Variants in AUTS2 observed in about 807,000 individuals in gnomAD.
The protein encoded by AUTS2 is autism susceptibility gene 2 protein.
AUTS2 carries 17 observed loss-of-function variants against 112.4 expected under a neutral mutation model. That is an observed-to-expected ratio of 0.15 (90% CI 0.10 to 0.23). AUTS2 has a LOEUF of 0.23. Among genes scored for constraint, AUTS2 ranks in the 10% least tolerant of loss-of-function variants. The pLI is 1.00. For missense variants in AUTS2, 1,510 were observed against 1,701.6 expected (o/e 0.89, Z 1.98); for synonymous variants, 751 against 702.7 (o/e 1.07, Z -1.09).
rs180945535 is a variant in AUTS2 at position 69,932,475 on chromosome 7, T to A, written c.522+32977T>A. 2.0e-5 allele frequency among the ~76,000 whole-genome samples: 3 copies of A among 152,276 alleles called. No individual in the cohort carries two copies. The East Asian group carries it at 5.8e-4, about 29-fold the overall frequency. On this transcript the variant is annotated intron_variant, in intron 2 of 18. Coordinates refer to ENST00000342771, the MANE Select transcript of AUTS2 (RefSeq NM_015570.4). Reference sequence around the variant, plus strand: ...AGAAGAGGCAGACACAATTGCAACATTGATTTGGTAAATAGAAAGTTAATG... The same window carrying A: ...AGAAGAGGCAGACACAATTGCAACAATGATTTGGTAAATAGAAAGTTAATG...
intron 6 of AUTS2, among the ~76,000 whole-genome samples, chr7:70,756,500 A>G (rs926242563): frequency 2.0e-5 from 3 of 152,234 alleles, no homozygotes; most frequent in Non-Finnish European, 4.4e-5. Context: ...TACTTAATGT[A>G]CCCATCTACA....
chr7:69,600,837 C>T (rs1479032389), intron 1 of AUTS2, among the ~76,000 whole-genome samples: 4 of 151,946 alleles, frequency 2.6e-5, no homozygotes, highest in Non-Finnish European at 5.9e-5. Context: ...TGTCCCTCTC[C>T]CTTTCCTTTT....
intron 1 of AUTS2, among the ~76,000 whole-genome samples, chr7:69,791,480 C>T (rs539014383): frequency 6.6e-6 from 1 of 152,182 alleles, no homozygotes; most frequent in African/African-American, 2.4e-5. Flanking sequence ...GATTTGGCCT[C>T]TTTGTGGAGT....
intron 1 of AUTS2, among the ~76,000 whole-genome samples, chr7:69,853,773 C>T (rs761109185): frequency 1.8e-4 from 28 of 152,000 alleles, no homozygotes; most frequent in Admixed American, 6.6e-4. Flanking sequence ...CTGTACTTAG[C>T]AGAAATGATA....
intron 4 of AUTS2, among the ~76,000 whole-genome samples, chr7:70,375,073 G>A (rs565537328): frequency 3.9e-5 from 6 of 152,286 alleles, no homozygotes; most frequent in Non-Finnish European, 7.4e-5. Flanking sequence ...GGATAGGATC[G>A]CACAGTTTCT....
chr7:69,993,023 G>C (rs1205403518), intron 2 of AUTS2, among the ~76,000 whole-genome samples: 1 of 152,202 alleles, frequency 6.6e-6, no homozygotes, highest in Non-Finnish European at 1.5e-5. Flanking sequence ...GAGTCAGAGA[G>C]CTTAGGGGTA....
At chr7:69,728,360 C>T (rs895807999) in intron 1 of AUTS2, among the ~76,000 whole-genome samples, 11 of 152,126 alleles carry the variant, frequency 7.2e-5, no homozygotes, top group Non-Finnish European at 1.5e-4. Context: ...CTTAGTAGAG[C>T]GTGTAAATGT....
intron 2 of AUTS2, among the ~76,000 whole-genome samples, chr7:69,974,828 A>G (rs1357890550): frequency 6.6e-6 from 1 of 152,104 alleles, no homozygotes; most frequent in African/African-American, 2.4e-5. Context: ...TAACAATCAC[A>G]TGTATCTTTT....
Position 70,791,089 on chromosome 7 carries a change from C to CG in AUTS2, c.*93_*94insG. 1 of 1,294,810 alleles carries CG rather than the reference C, an allele frequency of 7.7e-7. No homozygotes were observed. Among genetic ancestry groups the CG allele is most frequent in the East Asian group, 2.8e-5 (1 of 35,842 alleles). 80.2% of individuals were successfully genotyped at this position (1,294,810 alleles called of 1,614,324 possible). ...AGAACTCCTGCATGGCTCACACAGA[C>CG]TGGGGGGGAAAGCCCCACCCCTTCC... On this transcript the variant is annotated 3_prime_UTR_variant, in exon 19 of 19. Coordinates refer to ENST00000342771, the MANE Select transcript of AUTS2 (RefSeq NM_015570.4).
intron 4 of AUTS2, among the ~76,000 whole-genome samples, chr7:70,238,344 G>A (rs191890305): frequency 2.0e-5 from 3 of 152,186 alleles, no homozygotes; most frequent in Non-Finnish European, 2.9e-5. Context: ...AGTGCTGTCC[G>A]CTTTAGCTTT....
chr7:69,959,572 G>A (rs966478847), intron 2 of AUTS2, among the ~76,000 whole-genome samples: 2 of 151,906 alleles, frequency 1.3e-5, no homozygotes, highest in Admixed American at 6.6e-5. Flanking sequence ...CCTAGGATTC[G>A]CCCAGGATTT....
At chr7:70,761,349 T>C (rs1789553754) in intron 6 of AUTS2, among the ~76,000 whole-genome samples, 1 of 152,082 alleles carries the variant, frequency 6.6e-6, no homozygotes, top group South Asian at 2.1e-4. Flanking sequence ...CAGAAATACA[T>C]AGAACCAACA....
At chr7:70,734,191 G>A (rs942700148) in intron 6 of AUTS2, among the ~76,000 whole-genome samples, 1 of 151,992 alleles carries the variant, frequency 6.6e-6, no homozygotes, top group Non-Finnish European at 1.5e-5. Context: ...TGTAATCCCA[G>A]CACTTTGGGA....
chr7:70,322,784 G>T (rs1407036301), intron 4 of AUTS2, among the ~76,000 whole-genome samples: 5 of 152,184 alleles, frequency 3.3e-5, no homozygotes, highest in African/African-American at 2.4e-5. Flanking sequence ...GCAGATGCTG[G>T]TACCAGGAAT....
intron 5 of AUTS2, among the ~76,000 whole-genome samples, chr7:70,625,795 T>C (rs1190811776): frequency 6.6e-6 from 1 of 152,232 alleles, no homozygotes; most frequent in Admixed American, 6.5e-5. Flanking sequence ...CCATATCCAA[T>C]TGTGAGCAAA....
At chr7:69,821,393 C>G (rs1044313387) in intron 1 of AUTS2, among the ~76,000 whole-genome samples, 1 of 152,038 alleles carries the variant, frequency 6.6e-6, no homozygotes, top group African/African-American at 2.4e-5. Context: ...ATGCACCAAT[C>G]GGCACTCTGT....
At chr7:70,714,202 T>C (rs1810225305) in intron 6 of AUTS2, among the ~76,000 whole-genome samples, 1 of 152,072 alleles carries the variant, frequency 6.6e-6, no homozygotes, top group Non-Finnish European at 1.5e-5. Flanking sequence ...AAAATGAAAA[T>C]TTTCAACTCT....
At chr7:70,289,364 A>G (rs1468437507) in intron 4 of AUTS2, among the ~76,000 whole-genome samples, 1 of 152,220 alleles carries the variant, frequency 6.6e-6, no homozygotes. Context: ...ATTCTCTTCC[A>G]TGTGCTCCCT....
At chr7:69,729,941 G>T (rs919596417) in intron 1 of AUTS2, among the ~76,000 whole-genome samples, 1 of 144,888 alleles carries the variant, frequency 6.9e-6, no homozygotes, top group Non-Finnish European at 1.5e-5. Flanking sequence ...AATGGGTTAT[G>T]GGTTCAAATT....
Sources: allele counts gnomAD v4.1 joint callset (sites outside exome capture counted in the v4.1 genomes callset), GRCh38; gene constraint gnomAD v4.1.1; transcripts MANE v1.5; gene names NCBI Gene and HGNC (gene_info 2026-07-23, HGNC 2026-07-21).